NT5C3A: variants seen among roughly 807,000 people sequenced by gnomAD.
The protein encoded by NT5C3A is cytosolic 5'-nucleotidase 3A.
In NT5C3A, 23 loss-of-function variants were observed where a neutral mutation model predicts 40.0. The observed-to-expected ratio is 0.58, with a 90% CI of 0.41 to 0.81. NT5C3A has a LOEUF of 0.81. Ranked by LOEUF, NT5C3A falls within the 40% of genes least tolerant of loss-of-function variation. The pLI is 0.00. For missense variants in NT5C3A, 328 were observed against 403.0 expected (o/e 0.81, Z 1.59); for synonymous variants, 130 against 141.4 (o/e 0.92, Z 0.57).
chr7:33,035,822 G>T (rs1562596210), intron 1 of NT5C3A: 12 of 836,932 alleles, frequency 1.4e-5, no homozygotes, highest in Non-Finnish European at 2.3e-5. Context: ...GATGCACTGT[G>T]AAGAAAGAGT....
At chr7:33,017,641 G>T (rs751074295) in intron 6 of NT5C3A, 40 bp from the exon 7 acceptor site, 9 of 1,492,560 alleles carry the variant, frequency 6.0e-6, no homozygotes, top group Admixed American at 3.3e-5. Flanking sequence ...TAAAGAGCAA[G>T]ATATAGTTCC....
chr7:33,040,620 T>C (rs1388476491), intron 1 of NT5C3A, among the ~76,000 whole-genome samples: 1 of 152,168 alleles, frequency 6.6e-6, no homozygotes, highest in African/African-American at 2.4e-5. Flanking sequence ...TTTCTCAACA[T>C]CTACAGGTGA....
chr7:33,017,138 G>T, intron 7 of NT5C3A: 1 of 346,042 alleles, frequency 2.9e-6, no homozygotes, highest in South Asian at 4.1e-5. Flanking sequence ...TGCTGAGATT[G>T]TGCTACTGCA....
chr7:33,021,488 GA>G, intron 4 of NT5C3A, 131 bp from the exon 5 acceptor site: 1 of 1,135,026 alleles, frequency 8.8e-7, no homozygotes, highest in Non-Finnish European at 1.2e-6. Flanking sequence ...TGCATCAATT[GA>G]AAAAATATTT....
At chr7:33,050,061 C>G (rs1423029886) in intron 1 of NT5C3A, among the ~76,000 whole-genome samples, 4 of 151,798 alleles carry the variant, frequency 2.6e-5, no homozygotes, top group Non-Finnish European at 5.9e-5. Context: ...TATCCAAAAG[C>G]TTCAGAGTAC....
rs115544753 is a variant in NT5C3A at position 33,017,308 on chromosome 7, G to A, written c.693+131C>T. The A allele has an allele frequency of 0.03, 20,228 of 665,376 alleles. 652 individuals carry two copies. The highest frequency in any genetic ancestry group is 0.12 in the South Asian group (6,072 of 50,206). 41.2% of individuals were successfully genotyped at this position (665,376 alleles called of 1,614,324 possible). On this transcript the variant is annotated intron_variant, in intron 7 of 8. Transcript: ENST00000610140. ...ATATATTAACACTGAGAAGGATGGA[G>A]TCCCACAGTGGGCCTATCGGCTTGG... is the stretch of plus-strand genomic sequence containing the variant.
Position 33,061,174 on chromosome 7 carries a change from T to C in NT5C3A, c.138+1394A>G, listed in dbSNP as rs530754180. Among the ~76,000 whole-genome samples, 34 of 152,312 alleles carry C rather than the reference T, an allele frequency of 2.2e-4. 2 individuals are homozygous for C. In the South Asian group the frequency reaches 5.8e-3, roughly 26 times the overall value. On this transcript the variant is annotated intron_variant, in intron 1 of 8. Coordinates refer to ENST00000610140, the MANE Select transcript of NT5C3A (RefSeq NM_001002010.5). ...TGGCAACTCGGTTTTTTCCCCTACA[T>C]AGGCATTATTAACCTTGGGCAAAAG... is the stretch of plus-strand genomic sequence containing the variant.
intron 1 of NT5C3A, among the ~76,000 whole-genome samples, chr7:33,028,777 C>T (rs1262948807): frequency 5.9e-5 from 9 of 151,994 alleles, no homozygotes; most frequent in East Asian, 1.9e-4. Flanking sequence ...GGAAAGAGGC[C>T]GGGCACAGTG....
At chr7:33,021,835 T>G (rs1785644190) in intron 4 of NT5C3A, 2 of 524,668 alleles carry the variant, frequency 3.8e-6, no homozygotes. Flanking sequence ...TAAATATAAG[T>G]TTTGTTGTCA....
At chr7:33,023,875 A>G in intron 3 of NT5C3A, 164 bp downstream of exon 3, 1 of 610,322 alleles carries the variant, frequency 1.6e-6, no homozygotes. Flanking sequence ...TTTATATAAT[A>G]TGGGAAAAAA....
intron 3 of NT5C3A, among the ~76,000 whole-genome samples, chr7:33,022,453 T>A (rs1785681163): frequency 6.6e-6 from 1 of 151,330 alleles, no homozygotes; most frequent in African/African-American, 2.5e-5. Context: ...GGAAATACAT[T>A]TTTTTCGTAA....
At chr7:33,049,969 CAAAAA>C (rs61035673) in intron 1 of NT5C3A, among the ~76,000 whole-genome samples, 6 of 58,466 alleles carry the variant, frequency 1.0e-4, no homozygotes, top group Admixed American at 3.8e-4. Flanking sequence ...GACTCCATCT[CAAAAA>C]AAAAAAAAAA....
chr7:33,017,565 T>C lies in NT5C3A; in HGVS notation c.567A>G (p.Gln189=), dbSNP rs768915265. 2 of 1,613,922 alleles carry C rather than the reference T, an allele frequency of 1.2e-6. No homozygotes were observed. Among genetic ancestry groups the C allele is most frequent in the East Asian group, 2.2e-5 (1 of 44,878 alleles). ...GYENFFDKLQ[Q]HSIPVFIFSA... is the part of the protein sequence containing the mutation. Reference sequence around the variant, plus strand: ...AAAATATGAACACGGGGATGCTATGTTGTTGGAGCTTATCAAAGAAATTCT... The same window carrying C: ...AAAATATGAACACGGGGATGCTATGCTGTTGGAGCTTATCAAAGAAATTCT... The change falls in exon 7 of 9, where the codon CAA becomes CAG. Residue 189 remains glutamine (Q), a synonymous_variant. Coordinates refer to ENST00000610140, the MANE Select transcript of NT5C3A (RefSeq NM_001002010.5).
At chr7:33,017,323 T>C in intron 7 of NT5C3A, 116 bp downstream of exon 7, 5 of 749,914 alleles carry the variant, frequency 6.7e-6, no homozygotes, top group South Asian at 5.5e-5. Flanking sequence ...ACAGTGGGCC[T>C]ATCGGCTTGG....
In NT5C3A at chr7:33,015,866, A is replaced by G. The variant is rs750193547; in HGVS notation, c.698T>C (p.Val233Ala). The G allele has an allele frequency of 6.3e-7, 1 of 1,598,352 alleles. No individual in the cohort carries two copies. ...TAGTTCTCCTTTAAATCCTTTGAGC[A>G]CCCCCTATGAAAAATATAAATCTTT... ...SNFMDFDETG[V>A]LKGFKGELIH... Residue 233 changes from valine (V) to alanine (A), a missense_variant, in exon 8 of 9, where the codon GTG becomes GCG. By Grantham distance (64) the Val-to-Ala change is moderately conservative. Transcript: ENST00000610140.
chr7:33,017,312 C>T, intron 7 of NT5C3A, 127 bp downstream of exon 7: 1 of 682,240 alleles, frequency 1.5e-6, no homozygotes, highest in South Asian at 2.0e-5. Context: ...GATGGAGTCC[C>T]ACAGTGGGCC....
chr7:33,024,317 G>A (rs1446990444), intron 2 of NT5C3A, among the ~76,000 whole-genome samples: 3 of 152,166 alleles, frequency 2.0e-5, no homozygotes, highest in South Asian at 2.1e-4. Context: ...ACTACAAGGT[G>A]CTACCTTGAG....
At chr7:33,024,840 TA>T (rs1364919231) in intron 2 of NT5C3A, among the ~76,000 whole-genome samples, 2 of 152,126 alleles carry the variant, frequency 1.3e-5, no homozygotes, top group African/African-American at 4.8e-5. Context: ...GTATCGACTT[TA>T]AAAATTGAAA....
intron 1 of NT5C3A, chr7:33,045,902 A>G (rs1302480854): frequency 6.6e-6 from 1 of 152,196 alleles, no homozygotes. Flanking sequence ...TCTGTTTTCA[A>G]CCAGGGCTAG....
Sources: allele counts gnomAD v4.1 joint callset (sites outside exome capture counted in the v4.1 genomes callset), GRCh38; gene constraint gnomAD v4.1.1; transcripts MANE v1.5; gene names NCBI Gene and HGNC (gene_info 2026-07-23, HGNC 2026-07-21).